ANKRD13C: variants seen among roughly 807,000 people sequenced by gnomAD.
ANKRD13C encodes ankyrin repeat domain-containing protein 13C.
In ANKRD13C, 16 loss-of-function variants were observed where a neutral mutation model predicts 65.5. That is an observed-to-expected ratio of 0.24 (90% CI 0.17 to 0.37). The LOEUF (loss-of-function observed/expected upper bound fraction) is 0.37. Among genes scored for constraint, ANKRD13C ranks in the 10% least tolerant of loss-of-function variants. The pLI is 1.00. For synonymous variants in ANKRD13C, 235 were observed against 238.7 expected (o/e 0.98, Z 0.14); for missense variants, 503 against 655.9 (o/e 0.77, Z 2.55).
intron 9 of ANKRD13C, 137 bp from the exon 10 acceptor site, chr1:70,276,981 G>T: frequency 1.5e-6 from 1 of 677,262 alleles, no homozygotes; most frequent in Non-Finnish European, 2.3e-6. Context: ...ACTTGAAAAG[G>T]TTCCTTCCAA....
chr1:70,264,020 G>GT (rs1678497072), intron 12 of ANKRD13C, among the ~76,000 whole-genome samples: 4 of 152,092 alleles, frequency 2.6e-5, no homozygotes, highest in Admixed American at 1.3e-4. Context: ...TATTTCTGGG[G>GT]GAAAAAATTA....
chr1:70,344,463 C>CA (rs79884261), intron 1 of ANKRD13C, among the ~76,000 whole-genome samples: 25,329 of 142,974 alleles, frequency 0.18, 2,716 homozygotes, highest in East Asian at 0.34. Context: ...GACCCTATCT[C>CA]AAAAAAAAAA....
chr1:70,315,329 T>C (rs1363053996), intron 4 of ANKRD13C, 152 bp downstream of exon 4: 1 of 553,366 alleles, frequency 1.8e-6, no homozygotes, highest in African/African-American at 1.9e-5. Context: ...AAGATCACAT[T>C]CATACACTAA....
In ANKRD13C at chr1:70,354,701, C is replaced by T; in HGVS notation, c.-293G>A. 2 of 741,810 alleles carry T rather than the reference C, an allele frequency of 2.7e-6. No homozygotes were observed. Among genetic ancestry groups the T allele is most frequent in the Non-Finnish European group, 4.3e-6 (2 of 467,418 alleles). 46.0% of individuals were successfully genotyped at this position (741,810 alleles called of 1,614,324 possible). ...CGCTGCCTTACACCGAAAAACAGGG[C>T]ACGGCCATCTTCCTCTTGCTCCTCT... is the stretch of plus-strand genomic sequence containing the variant. On this transcript the variant is annotated 5_prime_UTR_variant, in exon 1 of 13. Transcript: ENST00000370944.
intron 12 of ANKRD13C, among the ~76,000 whole-genome samples, chr1:70,268,874 G>T (rs532421686): frequency 2.7e-5 from 4 of 150,710 alleles, no homozygotes; most frequent in South Asian, 2.1e-4. Flanking sequence ...ATTTTTTTTT[G>T]ATTTTTTAGT....
chr1:70,329,520 CA>C (rs973665081), intron 2 of ANKRD13C, among the ~76,000 whole-genome samples: 1 of 132,718 alleles, frequency 7.5e-6, no homozygotes, highest in African/African-American at 2.8e-5. Context: ...GACTCTGTCT[CA>C]AAAAAAAAGA....
intron 9 of ANKRD13C, 41 bp downstream of exon 9, chr1:70,292,347 C>T (rs745492657): frequency 1.3e-5 from 19 of 1,478,068 alleles, no homozygotes; most frequent in Non-Finnish European, 1.7e-5. Context: ...TATCCCCTCT[C>T]TTCTTAGAAA....
At chr1:70,293,310 A>C (rs760601186) in intron 8 of ANKRD13C, among the ~76,000 whole-genome samples, 1 of 152,174 alleles carries the variant, frequency 6.6e-6, no homozygotes, top group Non-Finnish European at 1.5e-5. Context: ...AAAGATAAAT[A>C]ACTTACTGAA....
At position 70,261,538 on chromosome 1, in the gene ANKRD13C, G is replaced by T. The variant is rs1480728039; in HGVS notation, c.*1179C>A. The T allele has an allele frequency of 6.6e-6, 1 of 151,790 alleles. No individual in the cohort carries two copies. Among genetic ancestry groups the T allele is most frequent in the African/African-American group, 2.4e-5 (1 of 41,356 alleles). The allele number at this position is 151,790 out of a possible 1,614,324, so 9.4% of individuals were successfully genotyped here. ...CTTCAAACCACCTTGGAATAAATAA[G>T]AAAAATTTTAAGTGCAAAAATGAGT... On this transcript the variant is annotated 3_prime_UTR_variant, in exon 13 of 13. Transcript: ENST00000370944.
At chr1:70,330,891 C>A (rs1049292723) in intron 2 of ANKRD13C, among the ~76,000 whole-genome samples, 1 of 151,534 alleles carries the variant, frequency 6.6e-6, no homozygotes, top group African/African-American at 2.4e-5. Context: ...CTGAAACCTT[C>A]CTTACTTAAG....
chr1:70,314,470 C>T (rs1680988167), intron 4 of ANKRD13C, among the ~76,000 whole-genome samples: 1 of 151,800 alleles, frequency 6.6e-6, no homozygotes, highest in African/African-American at 2.4e-5. Flanking sequence ...GGTGATCCAC[C>T]CGCTTCGGCC....
At chr1:70,274,511 C>T (rs535896702) in intron 11 of ANKRD13C, among the ~76,000 whole-genome samples, 58 of 144,986 alleles carry the variant, frequency 4.0e-4, no homozygotes, top group Admixed American at 1.6e-3. Context: ...GAAAGAAAAT[C>T]TACTCAAAAA....
At chr1:70,306,177 C>G in intron 6 of ANKRD13C, 47 bp downstream of exon 6, 1 of 1,384,944 alleles carries the variant, frequency 7.2e-7, no homozygotes, top group Non-Finnish European at 9.8e-7. Flanking sequence ...AAATCTTCCT[C>G]TAAATCTCAA....
chr1:70,292,308 AC>A, intron 9 of ANKRD13C, 79 bp downstream of exon 9: 1 of 1,108,490 alleles, frequency 9.0e-7, no homozygotes, highest in Non-Finnish European at 1.3e-6. Context: ...ACATTTATAT[AC>A]TTACTGAATG....
At chr1:70,284,940 C>A (rs1360257400) in intron 9 of ANKRD13C, among the ~76,000 whole-genome samples, 6 of 152,088 alleles carry the variant, frequency 3.9e-5, no homozygotes, top group Non-Finnish European at 8.8e-5. Flanking sequence ...TTTTAACCTG[C>A]AGAAGCTGAA....
In ANKRD13C at chr1:70,295,996, T is replaced by G. The variant is rs1262645967; in HGVS notation, c.1053+134A>C. 3.1e-6 allele frequency: 3 copies of G among 967,554 alleles called. No individual in the cohort carries two copies. The African/African-American group carries it at 5.0e-5, about 16-fold the overall frequency. 59.9% of individuals were successfully genotyped at this position (967,554 alleles called of 1,614,324 possible). On this transcript the variant is annotated intron_variant, in intron 8 of 12. Coordinates refer to ENST00000370944, the MANE Select transcript of ANKRD13C (RefSeq NM_030816.5). ...TAACCATCCATTATAATTCCTTATC[T>G]GGATTCAAGGAAGAGAGAAAAAAAC... is the stretch of plus-strand genomic sequence containing the variant.
intron 1 of ANKRD13C, among the ~76,000 whole-genome samples, chr1:70,340,553 G>A (rs2101608962): frequency 6.6e-6 from 1 of 152,096 alleles, no homozygotes; most frequent in South Asian, 2.1e-4. Context: ...CCATTTTAAT[G>A]GTGTTGTTCG....
At chr1:70,328,089 T>C (rs534333718) in intron 2 of ANKRD13C, among the ~76,000 whole-genome samples, 1 of 151,992 alleles carries the variant, frequency 6.6e-6, no homozygotes, top group East Asian at 1.9e-4. Context: ...CAAAAAAATT[T>C]ATATATATAA....
chr1:70,306,692 A>C (rs1680599939), intron 5 of ANKRD13C, among the ~76,000 whole-genome samples: 2 of 152,200 alleles, frequency 1.3e-5, no homozygotes, highest in African/African-American at 4.8e-5. Context: ...CAGTAAAGTA[A>C]TGTGTATAAT....
Sources: allele counts gnomAD v4.1 joint callset (sites outside exome capture counted in the v4.1 genomes callset), GRCh38; gene constraint gnomAD v4.1.1; transcripts MANE v1.5; gene names NCBI Gene and HGNC (gene_info 2026-07-23, HGNC 2026-07-21).